The following L3MBTL4 variants were observed in gnomAD, a reference collection of about 807,000 sequenced individuals.
L3MBTL4 encodes lethal(3)malignant brain tumor-like protein 4.
A neutral mutation model predicts 84.5 loss-of-function variants in L3MBTL4; 70 were observed. That is an observed-to-expected ratio of 0.83 (90% CI 0.68 to 1.01). The LOEUF (loss-of-function observed/expected upper bound fraction) is 1.01. Ranked by LOEUF, L3MBTL4 falls within the 50% of genes least tolerant of loss-of-function variation. L3MBTL4 has a pLI of 0.00. For synonymous variants in L3MBTL4, 274 were observed against 259.8 expected, an observed-to-expected ratio of 1.05 and a Z score of -0.52; for missense variants, 715 against 754.8, an observed-to-expected ratio of 0.95 and a Z score of 0.62.
intron 1 of L3MBTL4, among the ~76,000 whole-genome samples, chr18:6,350,057 C>G (rs1334459388): frequency 6.6e-6 from 1 of 152,136 alleles, no homozygotes; most frequent in Non-Finnish European, 1.5e-5. Context: ...TATTCACATG[C>G]AAAATAATGG....
chr18:6,136,656 G>A (rs2060037303), intron 14 of L3MBTL4, among the ~76,000 whole-genome samples: 1 of 152,082 alleles, frequency 6.6e-6, no homozygotes, highest in Admixed American at 6.5e-5. Context: ...AGTGTACCAA[G>A]TAACCAATGG....
At chr18:6,178,103 A>G (rs61050255) in intron 12 of L3MBTL4, among the ~76,000 whole-genome samples, 364 of 152,288 alleles carry the variant, frequency 2.4e-3, no homozygotes, top group African/African-American at 8.3e-3. Context: ...GAAGTGAAAA[A>G]AAAAATCTTT....
chr18:6,187,715 A>G lies in L3MBTL4; in HGVS notation c.982-15773T>C, dbSNP rs75814651. Among the ~76,000 whole-genome samples, 728 of 152,330 alleles carry G rather than the reference A, an allele frequency of 4.8e-3. 6 individuals are homozygous for G. Among genetic ancestry groups the G allele is most frequent in the African/African-American group, 0.017 (703 of 41,568 alleles). On this transcript the variant is annotated intron_variant, in intron 12 of 18. Transcript: ENST00000317931. ...GACTTTCTAAAGAAAATAATGTTCAAGCCAGTGAATGACTTTCAAGCAATG... is the reference window on the plus strand; with the variant it reads ...GACTTTCTAAAGAAAATAATGTTCAGGCCAGTGAATGACTTTCAAGCAATG...
intron 16 of L3MBTL4, among the ~76,000 whole-genome samples, chr18:6,027,097 C>T (rs567913823): frequency 6.6e-6 from 1 of 152,200 alleles, no homozygotes; most frequent in East Asian, 1.9e-4. Flanking sequence ...TATACATGTG[C>T]CATGGTGGTT....
chr18:6,035,347 A>T (rs552875190), intron 16 of L3MBTL4, among the ~76,000 whole-genome samples: 1 of 152,348 alleles, frequency 6.6e-6, no homozygotes, highest in South Asian at 2.1e-4. Flanking sequence ...GAAGGGATCC[A>T]GTTTCAGCTT....
At chr18:6,348,783 G>A (rs2053043515) in intron 1 of L3MBTL4, among the ~76,000 whole-genome samples, 1 of 152,114 alleles carries the variant, frequency 6.6e-6, no homozygotes, top group Non-Finnish European at 1.5e-5. Context: ...CAAAAAGTAG[G>A]AAAATGTATC....
intron 16 of L3MBTL4, among the ~76,000 whole-genome samples, chr18:5,979,446 T>C (rs1015116323): frequency 6.6e-6 from 1 of 152,196 alleles, no homozygotes; most frequent in African/African-American, 2.4e-5. Context: ...GGAACAAGCC[T>C]GTGCTGGGCC....
chr18:6,193,084 G>A (rs928990318), intron 12 of L3MBTL4, among the ~76,000 whole-genome samples: 1 of 151,988 alleles, frequency 6.6e-6, no homozygotes, highest in Non-Finnish European at 1.5e-5. Flanking sequence ...GTGAGAAACT[G>A]CAATCACAAA....
chr18:6,328,057 C>T (rs112971004), intron 1 of L3MBTL4, among the ~76,000 whole-genome samples: 1,593 of 152,300 alleles, frequency 0.01, 36 homozygotes, highest in African/African-American at 0.036. Context: ...TGGTGGCAGC[C>T]TGGCAACAGC....
intron 16 of L3MBTL4, among the ~76,000 whole-genome samples, chr18:6,011,301 C>T (rs1445572129): frequency 1.3e-5 from 2 of 152,042 alleles, no homozygotes; most frequent in Admixed American, 6.6e-5. Context: ...ATAGCATATT[C>T]AGAAAGATAA....
intron 3 of L3MBTL4, among the ~76,000 whole-genome samples, chr18:6,302,709 C>A (rs2050396065): frequency 6.6e-6 from 1 of 152,162 alleles, no homozygotes; most frequent in South Asian, 2.1e-4. Context: ...TTGTGGCCAG[C>A]CACAGTGGCT....
chr18:6,043,683 A>G (rs1265538964), intron 16 of L3MBTL4, among the ~76,000 whole-genome samples: 3 of 152,210 alleles, frequency 2.0e-5, no homozygotes, highest in Admixed American at 1.3e-4. Context: ...CAGTGAAGAC[A>G]GGTTCGATAC....
intron 16 of L3MBTL4, among the ~76,000 whole-genome samples, chr18:5,980,492 C>T (rs926079322): frequency 1.5e-5 from 2 of 136,618 alleles, no homozygotes; most frequent in Admixed American, 8.4e-5. Context: ...ATTGCAATGG[C>T]ATGATCTCAG....
intron 10 of L3MBTL4, among the ~76,000 whole-genome samples, chr18:6,228,056 T>G (rs1331058994): frequency 6.6e-6 from 1 of 152,196 alleles, no homozygotes; most frequent in Non-Finnish European, 1.5e-5. Flanking sequence ...CAACGTGGTA[T>G]TAATGTAAAG....
chr18:6,363,939 GA>G (rs370094238), intron 1 of L3MBTL4, among the ~76,000 whole-genome samples: 8 of 147,686 alleles, frequency 5.4e-5, no homozygotes, highest in South Asian at 2.1e-4. Flanking sequence ...TAACAGCTGG[GA>G]AAAAAAAAAG....
At chr18:6,181,772 G>A (rs774441293) in intron 12 of L3MBTL4, among the ~76,000 whole-genome samples, 17 of 152,010 alleles carry the variant, frequency 1.1e-4, no homozygotes, top group Non-Finnish European at 1.5e-4. Context: ...TTTGTTTTTC[G>A]GTTTCTATAT....
intron 10 of L3MBTL4, among the ~76,000 whole-genome samples, chr18:6,216,891 T>C (rs548220859): frequency 2.0e-5 from 3 of 152,304 alleles, no homozygotes; most frequent in East Asian, 1.9e-4. Context: ...ATAGAATTCC[T>C]GCTTTTGAGG....
intron 13 of L3MBTL4, among the ~76,000 whole-genome samples, chr18:6,163,894 C>A (rs571428279): frequency 1.3e-5 from 2 of 152,084 alleles, no homozygotes; most frequent in East Asian, 3.9e-4. Context: ...TCAACTCACC[C>A]GGGAAGCACA....
At chr18:6,003,520 A>C (rs1254165717) in intron 16 of L3MBTL4, among the ~76,000 whole-genome samples, 1 of 152,016 alleles carries the variant, frequency 6.6e-6, no homozygotes, top group African/African-American at 2.4e-5. Flanking sequence ...TAAGTAAATA[A>C]ACAGAGGACT....
Sources: gnomAD v4.1 joint callset for allele counts (sites outside exome capture counted in the v4.1 genomes callset) on GRCh38, gnomAD v4.1.1 for gene constraint, MANE v1.5 for transcripts, NCBI Gene and HGNC (gene_info 2026-07-23, HGNC 2026-07-21) for gene names.